LGALS8: variants seen among roughly 807,000 people sequenced by gnomAD.
LGALS8 encodes galectin-8.
A neutral mutation model predicts 35.9 loss-of-function variants in LGALS8; 30 were observed. That is an observed-to-expected ratio of 0.83 (90% CI 0.62 to 1.13). LGALS8 has a LOEUF of 1.13. Among genes scored for constraint, LGALS8 ranks in the 50% most tolerant of loss-of-function variants. The probability of loss-of-function intolerance (pLI) is 0.00; values close to 1 mark genes in which losing one functional copy is unlikely to be tolerated. For synonymous variants in LGALS8, 138 were observed against 136.1 expected (o/e 1.01, Z -0.10); for missense variants, 366 against 388.7 (o/e 0.94, Z 0.49).
Position 236,552,316 on chromosome 1 carries a change from GT to G in LGALS8, c.*4159del. The G allele has an allele frequency of 2.7e-6, 1 of 368,920 alleles. No homozygotes were observed. Among genetic ancestry groups the G allele is most frequent in the East Asian group, 4.2e-5 (1 of 23,554 alleles). 22.9% of individuals were successfully genotyped at this position (368,920 alleles called of 1,614,324 possible). On this transcript the variant is annotated 3_prime_UTR_variant, in exon 10 of 10. Coordinates refer to ENST00000366584, the MANE Select transcript of LGALS8 (RefSeq NM_201544.4). ...TAATATGTGCAACCTTATAAATAGT[GT>G]TTTCCAAACTGTGTCCCAGGACTGC... is the stretch of plus-strand genomic sequence containing the variant.
chr1:236,543,269 C>T lies in LGALS8; in HGVS notation c.550-291C>T, dbSNP rs554385195. 60 of 637,524 alleles carry T rather than the reference C, an allele frequency of 9.4e-5. No homozygotes were observed. In the South Asian group the frequency reaches 1.1e-3, roughly 11 times the overall value. 39.5% of individuals were successfully genotyped at this position (637,524 alleles called of 1,614,324 possible). A position where few individuals can be genotyped will look rare whatever the true frequency, so the allele number is the denominator to read the frequency against. On this transcript the variant is annotated intron_variant, in intron 7 of 9. Transcript: ENST00000366584. ...CCCTTCAGGCAGAACACAGTACTGC[C>T]TCAGACCCCAGGCACAGGGGGCCTT...
chr1:236,550,667 G>A lies in LGALS8; in HGVS notation c.*2506G>A. 2.2e-6 allele frequency: 1 copy of A among 454,458 alleles called. No homozygotes were observed. The highest frequency in any genetic ancestry group is 3.9e-6 in the Non-Finnish European group (1 of 257,634). 28.2% of individuals were successfully genotyped at this position (454,458 alleles called of 1,614,324 possible). ...AATGTTTAAACAAACACAGCAGTCTGTATAAAAATACCGTGTATCATTTAC... is the reference window on the plus strand; with the variant it reads ...AATGTTTAAACAAACACAGCAGTCTATATAAAAATACCGTGTATCATTTAC... On this transcript the variant is annotated 3_prime_UTR_variant, in exon 10 of 10. Transcript: ENST00000366584.
rs549933877 is a variant in LGALS8, at chr1:236,529,450, C to T, written c.45+3335C>T. On this transcript the variant is annotated intron_variant, in intron 2 of 9. Transcript: ENST00000366584. Reference sequence around the variant, plus strand: ...TACAAAAATTAGCCGGGCATGGTGGCGGTGGCCTGTAATCCCAGCTACATG... The same window carrying T: ...TACAAAAATTAGCCGGGCATGGTGGTGGTGGCCTGTAATCCCAGCTACATG... Among the ~76,000 whole-genome samples, 61 of 151,544 alleles carry T rather than the reference C, an allele frequency of 4.0e-4. 1 individual carries two copies. In the South Asian group the frequency reaches 0.011, roughly 27 times the overall value.
chr1:236,541,427 C>T (rs1397978088), intron 5 of LGALS8: 11 of 405,374 alleles, frequency 2.7e-5, no homozygotes, highest in African/African-American at 2.1e-4. Context: ...AGTTTGCACT[C>T]TCAACAGCCA....
At chr1:236,538,424 C>T (rs1485003417) in intron 3 of LGALS8, among the ~76,000 whole-genome samples, 1 of 152,152 alleles carries the variant, frequency 6.6e-6, no homozygotes, top group African/African-American at 2.4e-5. Context: ...AGGTAAGGTC[C>T]CCTTTCCCGT....
chr1:236,536,138 C>T (rs989947351), intron 2 of LGALS8: 10 of 152,212 alleles, frequency 6.6e-5, no homozygotes, highest in East Asian at 1.9e-4. Context: ...TGCCTCAAGG[C>T]GATTTCGGTT....
At position 236,538,146 on chromosome 1, in the gene LGALS8, C is replaced by T. The variant is rs146704237; in HGVS notation, c.134+561C>T. ...TGTCATTAAAGAAAGGAATTGTGGT[C>T]AGATGACAGGGACAGTCTAGTTTTA... On this transcript the variant is annotated intron_variant, in intron 3 of 9. Coordinates refer to ENST00000366584, the MANE Select transcript of LGALS8 (RefSeq NM_201544.4). Among the ~76,000 whole-genome samples the T allele has an allele frequency of 1.1e-3, 162 of 144,692 alleles. 1 individual carries two copies. The highest frequency in any genetic ancestry group is 8.0e-3 in the Admixed American group (114 of 14,204). 94.9% of individuals were successfully genotyped at this position (144,692 alleles called of 152,430 possible).
At chr1:236,541,838 T>C (rs1662017286) in intron 6 of LGALS8, 128 bp downstream of exon 6, 1 of 565,262 alleles carries the variant, frequency 1.8e-6, no homozygotes, top group Non-Finnish European at 3.1e-6. Context: ...CACTTGAAAA[T>C]TGAGATACAT....
chr1:236,527,291 C>T (rs1057223655), intron 2 of LGALS8, among the ~76,000 whole-genome samples: 1 of 152,128 alleles, frequency 6.6e-6, no homozygotes, highest in African/African-American at 2.4e-5. Context: ...TAGCATACTG[C>T]TGATTCCTGT....
rs1662510678 is a variant in LGALS8 at position 236,548,019 on chromosome 1, T to C, written c.812T>C (p.Ile271Thr). ...TGTATCCTTTCCTTTCAGATGATAA[T>C]TTATTGTGATGTTAGAGAATTCAAG... ...FSPGMYFEMI[I>T]YCDVREFKVA... Residue 271 changes from isoleucine (I) to threonine (T), a missense_variant, in exon 10 of 10, where the codon ATT becomes ACT. Physicochemically the swap from Ile to Thr is moderately conservative, Grantham distance 89. Coordinates refer to ENST00000366584, the MANE Select transcript of LGALS8 (RefSeq NM_201544.4). 9 of 1,610,790 alleles carry C rather than the reference T, an allele frequency of 5.6e-6. No homozygotes were observed. The highest frequency in any genetic ancestry group is 6.8e-6 in the Non-Finnish European group (8 of 1,177,542).
rs1332293088 is a variant in LGALS8, at chr1:236,548,049, C to T, written c.842C>T (p.Ala281Val). Residue 281 changes from alanine to valine, a missense_variant, in exon 10 of 10, where the codon GCA (alanine) becomes GTA (valine). Coordinates refer to ENST00000366584, the MANE Select transcript of LGALS8 (RefSeq NM_201544.4). The part of the protein sequence containing the change: ...IYCDVREFKV[A>V]VNGVHSLEYK... ...TGTGATGTTAGAGAATTCAAGGTTG[C>T]AGTAAATGGCGTACACAGCCTGGAG... 6.2e-7 allele frequency: 1 copy of T among 1,612,274 alleles called. No individual in the cohort carries two copies. The highest frequency in any genetic ancestry group is 8.5e-7 in the Non-Finnish European group (1 of 1,178,380).
rs1306011787 is a variant in LGALS8, at chr1:236,548,921, A to G, written c.*760A>G. ...ATTAACTTGATGCCAAGCCCAAGGC[A>G]GCTGATTTCTGTGTATTTGAACTTA... On this transcript the variant is annotated 3_prime_UTR_variant, in exon 10 of 10. Transcript: ENST00000366584. The G allele has an allele frequency of 2.5e-6, 1 of 398,554 alleles. No individual in the cohort carries two copies. Among genetic ancestry groups the G allele is most frequent in the African/African-American group, 2.1e-5 (1 of 48,656 alleles). The allele number at this position is 398,554 out of a possible 1,614,324, so 24.7% of individuals were successfully genotyped here. A position where few individuals can be genotyped will look rare whatever the true frequency, so the allele number is the denominator to read the frequency against.
rs1005008552 is a variant in LGALS8 at position 236,551,373 on chromosome 1, A to G, written c.*3212A>G. 2.2e-5 allele frequency: 4 copies of G among 180,756 alleles called. No individual in the cohort carries two copies. Among genetic ancestry groups the G allele is most frequent in the Non-Finnish European group, 4.6e-5 (4 of 87,648 alleles). The allele number at this position is 180,756 out of a possible 1,614,324, so 11.2% of individuals were successfully genotyped here. On this transcript the variant is annotated 3_prime_UTR_variant, in exon 10 of 10. Coordinates refer to ENST00000366584, the MANE Select transcript of LGALS8 (RefSeq NM_201544.4). Reference sequence around the variant, plus strand: ...TACTTGCTCCACCACCCCTCCCTTAATAATAACATTTACTGTTATTTCCTG... The same window carrying G: ...TACTTGCTCCACCACCCCTCCCTTAGTAATAACATTTACTGTTATTTCCTG...
At position 236,550,528 on chromosome 1, in the gene LGALS8, G is replaced by A. The variant is rs2758998; in HGVS notation, c.*2367G>A. 107,604 of 175,130 alleles carry A rather than the reference G, an allele frequency of 0.61. 34,184 individuals are homozygous for A. Among genetic ancestry groups the A allele is most frequent in the Non-Finnish European group, 0.69 (57,935 of 83,994 alleles). The allele number at this position is 175,130 out of a possible 1,614,324, so 10.8% of individuals were successfully genotyped here. On this transcript the variant is annotated 3_prime_UTR_variant, in exon 10 of 10. Coordinates refer to ENST00000366584, the MANE Select transcript of LGALS8 (RefSeq NM_201544.4). ...AATCTGCAACATGGATACCATGTAT[G>A]TAAGATACTGCTGTACAGAAGAGTT...
chr1:236,537,876 T>C (rs1395699945), intron 3 of LGALS8, among the ~76,000 whole-genome samples: 1 of 151,370 alleles, frequency 6.6e-6, no homozygotes, highest in Non-Finnish European at 1.5e-5. Flanking sequence ...GGCAGGAGGA[T>C]TGTTTGAGGC....
chr1:236,527,843 C>T (rs112491279), intron 2 of LGALS8, among the ~76,000 whole-genome samples: 3,974 of 151,960 alleles, frequency 0.026, 161 homozygotes, highest in African/African-American at 0.09. Context: ...TCAAGCAATT[C>T]TAGTGCCTCA....
rs751172472 is a variant in LGALS8, at chr1:236,526,085, A to G, written c.15A>G (p.Leu5=). Residue 5 remains leucine, a synonymous_variant, in exon 2 of 10, where the codon TTA becomes TTG. Coordinates refer to ENST00000366584, the MANE Select transcript of LGALS8 (RefSeq NM_201544.4). This position sits in a 1 kb window ranked among gnomAD's most constrained non-coding sequence, Gnocchi z 4.6. ...GCTGGAAAAGAATGATGTTGTCCTT[A>G]AACAACCTACAGAATATCATCTATA... MMLS[L]NNLQNIIYNP... The G allele has an allele frequency of 3.1e-6, 5 of 1,612,288 alleles. No individual in the cohort carries two copies. The highest frequency in any genetic ancestry group is 4.2e-6 in the Non-Finnish European group (5 of 1,178,628).
upstream of LGALS8, among the ~76,000 whole-genome samples, chr1:236,520,502 G>A (rs951991149): frequency 6.6e-6 from 1 of 151,962 alleles, no homozygotes; most frequent in African/African-American, 2.4e-5. Flanking sequence ...TTATAGTCAT[G>A]GTTTCCACCA....
Position 236,550,950 on chromosome 1 carries a change from A to G in LGALS8, c.*2789A>G. 1 of 1,606,678 alleles carries G rather than the reference A, an allele frequency of 6.2e-7. No homozygotes were observed. ...CTCCCAGGACAGTTTCCAGTTGCTGAATAGTCTTTTGGCACTGATGTTCTA... is the reference window on the plus strand; with the variant it reads ...CTCCCAGGACAGTTTCCAGTTGCTGGATAGTCTTTTGGCACTGATGTTCTA... On this transcript the variant is annotated 3_prime_UTR_variant, in exon 10 of 10. Transcript: ENST00000366584.
Sources: allele counts gnomAD v4.1 joint callset (sites outside exome capture counted in the v4.1 genomes callset), GRCh38; gene constraint gnomAD v4.1.1; non-coding constraint Gnocchi (gnomAD v3.1); transcripts MANE v1.5; gene names NCBI Gene and HGNC (gene_info 2026-07-23, HGNC 2026-07-21).